WDFY2: variants seen among roughly 807,000 people sequenced by gnomAD.
WDFY2 encodes the protein WD repeat and FYVE domain-containing protein 2.
In WDFY2, 36 loss-of-function variants were observed where a neutral mutation model predicts 56.4. The ratio of observed to expected loss-of-function variants is 0.64; its 90% CI spans 0.49 to 0.84. WDFY2 has a LOEUF of 0.84. WDFY2 is among the 40% of genes least tolerant of loss of function. WDFY2 has a pLI of 0.00. For missense variants in WDFY2, 444 were observed against 512.2 expected (o/e 0.87, Z 1.29); for synonymous variants, 176 against 183.7 (o/e 0.96, Z 0.34).
intron 7 of WDFY2, among the ~76,000 whole-genome samples, chr13:51,747,805 A>G (rs1453113264): frequency 6.6e-6 from 1 of 152,234 alleles, no homozygotes; most frequent in African/African-American, 2.4e-5. Context: ...TGCTGGAATT[A>G]CAGGCATGAG....
At chr13:51,639,664 CT>C in intron 1 of WDFY2, among the ~76,000 whole-genome samples, 1 of 152,178 alleles carries the variant, frequency 6.6e-6, no homozygotes, top group Non-Finnish European at 1.5e-5. Flanking sequence ...GTACTTGTCT[CT>C]TTGTCATAAA....
chr13:51,686,988 G>T (rs1172248112), intron 3 of WDFY2, among the ~76,000 whole-genome samples: 1 of 151,114 alleles, frequency 6.6e-6, no homozygotes, highest in Non-Finnish European at 1.5e-5. Flanking sequence ...TGAGCAAATT[G>T]TTGAATCTTT....
At chr13:51,675,817 TA>T (rs897685204) in intron 3 of WDFY2, among the ~76,000 whole-genome samples, 1 of 152,218 alleles carries the variant, frequency 6.6e-6, no homozygotes, top group Non-Finnish European at 1.5e-5. Context: ...CCTTTGATTA[TA>T]GATGTTGGGG....
rs188110425 is a variant in WDFY2, at chr13:51,635,753, C to T, written c.138-24843C>T. Among the ~76,000 whole-genome samples the T allele has an allele frequency of 5.0e-3, 757 of 152,300 alleles. 5 individuals are homozygous for T. Among genetic ancestry groups the T allele is most frequent in the African/African-American group, 0.014 (595 of 41,554 alleles). ...AACAGGATCTCTCTTACTCGTAGTA[C>T]TTTTGTAAGGATTAAATGATACAAA... is the stretch of plus-strand genomic sequence containing the variant. On this transcript the variant is annotated intron_variant, in intron 1 of 11. Transcript: ENST00000298125.
intron 5 of WDFY2, among the ~76,000 whole-genome samples, chr13:51,725,577 T>C (rs1253602079): frequency 1.3e-5 from 2 of 152,180 alleles, no homozygotes; most frequent in Non-Finnish European, 2.9e-5. Flanking sequence ...TGTGATTATG[T>C]CACCAATTTG....
At chr13:51,702,093 C>T (rs1479219705) in intron 3 of WDFY2, among the ~76,000 whole-genome samples, 3 of 152,050 alleles carry the variant, frequency 2.0e-5, no homozygotes, top group African/African-American at 4.8e-5. Flanking sequence ...GGGCGGATCA[C>T]CTGAGGTCAG....
chr13:51,655,936 G>C (rs1381141638), intron 1 of WDFY2, among the ~76,000 whole-genome samples: 1 of 151,718 alleles, frequency 6.6e-6, no homozygotes, highest in Admixed American at 6.6e-5. Context: ...TATCTAATTG[G>C]CTGGCATATA....
chr13:51,614,186 CAAAAAAAA>C (rs771044291), intron 1 of WDFY2, among the ~76,000 whole-genome samples: 4 of 60,970 alleles, frequency 6.6e-5, no homozygotes, highest in Non-Finnish European at 9.5e-5. Flanking sequence ...ACTCGGTCTC[CAAAAAAAA>C]AAAAAAAAAA....
chr13:51,648,442 T>C (rs1244778083), intron 1 of WDFY2, among the ~76,000 whole-genome samples: 1 of 152,214 alleles, frequency 6.6e-6, no homozygotes, highest in Admixed American at 6.5e-5. Flanking sequence ...GCACCACTTT[T>C]GGGCCTGATG....
At chr13:51,756,209 C>G in intron 9 of WDFY2, 123 bp from the exon 10 acceptor site, 3 of 1,409,084 alleles carry the variant, frequency 2.1e-6, no homozygotes, top group Non-Finnish European at 2.9e-6. Flanking sequence ...TTCTGGGGCT[C>G]TCTTGTTCAG....
chr13:51,619,927 GTTA>G (rs1182528410), intron 1 of WDFY2, among the ~76,000 whole-genome samples: 1 of 152,202 alleles, frequency 6.6e-6, no homozygotes, highest in African/African-American at 2.4e-5. Flanking sequence ...ATCAGGTTAG[GTTA>G]TTGTTCCCTA....
intron 5 of WDFY2, 104 bp downstream of exon 5, chr13:51,719,452 A>G (rs749237602): frequency 3.7e-5 from 48 of 1,299,210 alleles, no homozygotes; most frequent in Non-Finnish European, 4.4e-5. Context: ...TGTTAATGAC[A>G]GTTGCCCAGT....
chr13:51,593,468 T>G (rs1386431166), intron 1 of WDFY2, among the ~76,000 whole-genome samples: 1 of 152,208 alleles, frequency 6.6e-6, no homozygotes, highest in East Asian at 1.9e-4. Context: ...GATTGCCATA[T>G]TATTTTCCAA....
chr13:51,627,848 C>T (rs1278773193), intron 1 of WDFY2, among the ~76,000 whole-genome samples: 1 of 152,160 alleles, frequency 6.6e-6, no homozygotes, highest in African/African-American at 2.4e-5. Flanking sequence ...TAGCTCTCAG[C>T]AGAGAGGAGA....
intron 5 of WDFY2, among the ~76,000 whole-genome samples, chr13:51,726,189 A>G (rs1329440231): frequency 1.3e-5 from 2 of 152,166 alleles, no homozygotes; most frequent in African/African-American, 4.8e-5. Flanking sequence ...TTCTTACACA[A>G]AGGTAGTATA....
chr13:51,641,088 T>G (rs1955145988), intron 1 of WDFY2, among the ~76,000 whole-genome samples: 1 of 152,110 alleles, frequency 6.6e-6, no homozygotes. Context: ...ATTTATTTAT[T>G]TAGAGACGGA....
At chr13:51,698,816 A>C (rs900367189) in intron 3 of WDFY2, among the ~76,000 whole-genome samples, 2 of 152,270 alleles carry the variant, frequency 1.3e-5, no homozygotes, top group South Asian at 4.1e-4. Context: ...TTAAGTAAAA[A>C]AAATAAAACA....
intron 1 of WDFY2, among the ~76,000 whole-genome samples, chr13:51,628,699 TAG>T (rs1472881468): frequency 6.6e-6 from 1 of 152,224 alleles, no homozygotes; most frequent in East Asian, 1.9e-4. Context: ...GATGAGCTAA[TAG>T]AGCCCTTGAT....
chr13:51,721,017 G>A (rs1217181640), intron 5 of WDFY2, among the ~76,000 whole-genome samples: 1 of 151,916 alleles, frequency 6.6e-6, no homozygotes, highest in Non-Finnish European at 1.5e-5. Context: ...TATGCGTGGT[G>A]ATGGATGTGT....
Sources: allele counts gnomAD v4.1 joint callset (sites outside exome capture counted in the v4.1 genomes callset), GRCh38; gene constraint gnomAD v4.1.1; transcripts MANE v1.5; gene names NCBI Gene and HGNC (gene_info 2026-07-23, HGNC 2026-07-21).